ANK2: variants seen among roughly 807,000 people sequenced by gnomAD.
ANK2 encodes the protein ankyrin-2.
A neutral mutation model predicts 360.5 loss-of-function variants in ANK2; 83 were observed. That is an observed-to-expected ratio of 0.23 (90% CI 0.19 to 0.28). The LOEUF is 0.28. Ranked by LOEUF, ANK2 falls within the 10% of genes least tolerant of loss-of-function variation. ANK2 has a pLI of 1.00. For missense variants in ANK2, 4,201 were observed against 4,795.7 expected (o/e 0.88, Z 3.66); for synonymous variants, 1,740 against 1,759.5 (o/e 0.99, Z 0.28).
At chr4:113,360,628 G>C (rs987710815) in intron 38 of ANK2, among the ~76,000 whole-genome samples, 195 bp from the exon 39 acceptor site, 4 of 151,972 alleles carry the variant, frequency 2.6e-5, no homozygotes, top group Non-Finnish European at 5.9e-5. Context: ...GAAGCAGATG[G>C]TTTTCATGAT....
At chr4:113,036,681 T>C (rs2061679415) in intron 2 of ANK2, among the ~76,000 whole-genome samples, 1 of 151,880 alleles carries the variant, frequency 6.6e-6, no homozygotes, top group Non-Finnish European at 1.5e-5. Flanking sequence ...AAATAACCTA[T>C]ATTTTTTGAA....
At chr4:112,713,933 C>CAAA in the ANK2 span, among the ~76,000 whole-genome samples, 2 of 108,528 alleles carry the variant, frequency 1.8e-5, no homozygotes, top group Non-Finnish European at 1.9e-5. Flanking sequence ...GACTCCGTCT[C>CAAA]AAAAAAAAAA....
the ANK2 span, among the ~76,000 whole-genome samples, chr4:112,777,395 C>G: frequency 2.0e-5 from 3 of 151,986 alleles, no homozygotes; most frequent in Non-Finnish European, 2.9e-5. Flanking sequence ...CCTGCCACCA[C>G]GTCCAGCTAA....
chr4:113,136,106 C>T (rs369714010), intron 1 of ANK2, among the ~76,000 whole-genome samples: 2 of 151,994 alleles, frequency 1.3e-5, no homozygotes, highest in African/African-American at 4.8e-5. Flanking sequence ...TTTTTTATTG[C>T]TCATTTAGTC....
At chr4:112,982,670 G>A (rs2043464941) in intron 2 of ANK2, among the ~76,000 whole-genome samples, 1 of 152,290 alleles carries the variant, frequency 6.6e-6, no homozygotes, top group East Asian at 1.9e-4. Flanking sequence ...AGGGCACTGC[G>A]GGTGTGATCT....
chr4:112,907,529 C>T (rs1269775632), intron 2 of ANK2, among the ~76,000 whole-genome samples: 1 of 152,126 alleles, frequency 6.6e-6, no homozygotes, highest in Admixed American at 6.5e-5. Context: ...GGAAGTTCCC[C>T]TGAGACATCC....
At chr4:112,944,195 A>G (rs1321088518) in intron 2 of ANK2, among the ~76,000 whole-genome samples, 2 of 152,132 alleles carry the variant, frequency 1.3e-5, no homozygotes, top group Non-Finnish European at 2.9e-5. Flanking sequence ...TCCATTTATT[A>G]TGGCTTTTTC....
intron 1 of ANK2, among the ~76,000 whole-genome samples, chr4:113,073,651 A>C (rs2078692703): frequency 6.6e-6 from 1 of 152,176 alleles, no homozygotes; most frequent in African/African-American, 2.4e-5. Context: ...TCCTAGGTGC[A>C]TTGCCAGGAG....
At chr4:112,786,097 C>T in the ANK2 span, among the ~76,000 whole-genome samples, 6 of 152,124 alleles carry the variant, frequency 3.9e-5, no homozygotes, top group African/African-American at 1.4e-4. Flanking sequence ...CCACCTCAGC[C>T]TCCTAAATTG....
In ANK2 at chr4:112,930,932, G is replaced by C. The variant is rs545873416; in HGVS notation, c.21+26418G>C. On this transcript the variant is annotated intron_variant, in intron 2 of 30. Transcript: ENST00000503271. ...GACTTAAAATGATGAAAGGACAACA[G>C]ACAAATAACAAGCAGAGCCTCAAGA... Among the ~76,000 whole-genome samples the C allele has an allele frequency of 2.6e-5, 4 of 151,428 alleles. No homozygotes were observed. The South Asian group carries it at 8.4e-4, about 32-fold the overall frequency.
chr4:112,771,967 C>A, the ANK2 span, among the ~76,000 whole-genome samples: 2 of 152,166 alleles, frequency 1.3e-5, no homozygotes, highest in African/African-American at 2.4e-5. Flanking sequence ...AGCCCCTTTC[C>A]TCTGGGTACA....
rs955547987 is a variant in ANK2, at chr4:112,982,685, C to T, written c.21+78171C>T. ...AGGGCACTGCGGGTGTGATCTGTGA[C>T]TCTCATGTGACCAATCAATCCCTGT... On this transcript the variant is annotated intron_variant, in intron 2 of 30. Coordinates refer to the ANK2 transcript ENST00000503271. Among the ~76,000 whole-genome samples, 8 of 152,302 alleles carry T rather than the reference C, an allele frequency of 5.3e-5. No homozygotes were observed. In the East Asian group the frequency reaches 5.8e-4, roughly 11 times the overall value.
the ANK2 span, among the ~76,000 whole-genome samples, chr4:112,757,975 C>G: frequency 2.7e-5 from 4 of 149,960 alleles, no homozygotes; most frequent in Non-Finnish European, 6.0e-5. Context: ...GCCGTCCTGG[C>G]TCACTGCAAC....
chr4:113,163,250 T>C (rs920949838), intron 1 of ANK2, among the ~76,000 whole-genome samples: 3 of 152,132 alleles, frequency 2.0e-5, no homozygotes, highest in Admixed American at 6.5e-5. Context: ...TGTCGACTTA[T>C]TAGAATTGGA....
At chr4:113,365,240 G>T (rs927894849) in intron 41 of ANK2, 58 bp downstream of exon 41, 5 of 1,568,500 alleles carry the variant, frequency 3.2e-6, no homozygotes, top group Non-Finnish European at 4.3e-6. Flanking sequence ...TGTTGTGTCT[G>T]TGTGTGGTTA....
intron 2 of ANK2, among the ~76,000 whole-genome samples, chr4:113,007,223 C>A (rs115850606): frequency 6.6e-6 from 1 of 152,100 alleles, no homozygotes; most frequent in African/African-American, 2.4e-5. Context: ...TTTTGTGCAG[C>A]GGTTAGTATA....
At chr4:113,217,887 A>T (rs17445375) in intron 4 of ANK2, among the ~76,000 whole-genome samples, 22,779 of 152,168 alleles carry the variant, frequency 0.15, 1,961 homozygotes, top group South Asian at 0.21. Flanking sequence ...TATCTTTGGC[A>T]AGTTGTGAAT....
intron 28 of ANK2, 115 bp from the exon 29 acceptor site, chr4:113,332,939 T>A: frequency 1.3e-6 from 2 of 1,494,178 alleles, no homozygotes; most frequent in Non-Finnish European, 1.8e-6. Context: ...TGGCCCACTA[T>A]GTCCCTGTCC....
intron 43 of ANK2, among the ~76,000 whole-genome samples, chr4:113,372,836 G>A (rs1477249889): frequency 2.6e-5 from 4 of 152,116 alleles, no homozygotes; most frequent in African/African-American, 7.2e-5. Context: ...AGCAAGACTT[G>A]GCTTCTTCAC....
Sources: allele counts gnomAD v4.1 joint callset (sites outside exome capture counted in the v4.1 genomes callset), GRCh38; gene constraint gnomAD v4.1.1; transcripts MANE v1.5; gene names NCBI Gene and HGNC (gene_info 2026-07-23, HGNC 2026-07-21).